GPR37: variants seen among roughly 807,000 people sequenced by gnomAD.
The protein encoded by GPR37 is G protein-coupled receptor 37.
In GPR37, 20 loss-of-function variants were observed where a neutral mutation model predicts 43.6. The ratio of observed to expected loss-of-function variants is 0.46; its 90% CI spans 0.32 to 0.67. The LOEUF (loss-of-function observed/expected upper bound fraction) is 0.67, where lower values mean the gene tolerates loss of function less well. Ranked by LOEUF, GPR37 falls within the 30% of genes least tolerant of loss-of-function variation. The probability of loss-of-function intolerance (pLI) is 0.03; values close to 1 mark genes in which losing one functional copy is unlikely to be tolerated. For missense variants in GPR37, 724 were observed against 797.2 expected (o/e 0.91, Z 1.11); for synonymous variants, 315 against 322.6 (o/e 0.98, Z 0.25).
At chr7:124,750,227 A>C (rs1010142806) in intron 1 of GPR37, among the ~76,000 whole-genome samples, 2 of 152,122 alleles carry the variant, frequency 1.3e-5, no homozygotes, top group Non-Finnish European at 2.9e-5. Flanking sequence ...GTTTTGATTC[A>C]TTTCTCCTAA....
intron 1 of GPR37, among the ~76,000 whole-genome samples, chr7:124,759,904 T>G (rs931086300): frequency 3.9e-5 from 6 of 152,138 alleles, no homozygotes; most frequent in Non-Finnish European, 7.3e-5. Flanking sequence ...TACCTCATAT[T>G]TTTCTACACA....
rs1280504156 is a variant in GPR37 at position 124,744,019 on chromosome 7, A to G, written c.*2506T>C. Reference sequence around the variant, plus strand: ...AAGACGACTATGAGAAAACTTTGAAATCACTTTATACTTGGGACAATTTGA... The same window carrying G: ...AAGACGACTATGAGAAAACTTTGAAGTCACTTTATACTTGGGACAATTTGA... On this transcript the variant is annotated 3_prime_UTR_variant, in exon 2 of 2. Coordinates refer to ENST00000303921, the MANE Select transcript of GPR37 (RefSeq NM_005302.5). The G allele has an allele frequency of 6.6e-6, 1 of 152,108 alleles. No homozygotes were observed. Among genetic ancestry groups the G allele is most frequent in the South Asian group, 2.1e-4 (1 of 4,830 alleles). 9.4% of individuals were successfully genotyped at this position (152,108 alleles called of 1,614,324 possible).
At chr7:124,759,316 A>C (rs1320520388) in intron 1 of GPR37, among the ~76,000 whole-genome samples, 4 of 152,096 alleles carry the variant, frequency 2.6e-5, no homozygotes, top group African/African-American at 9.7e-5. Context: ...ATCTGCCTGC[A>C]TAGGCCTCCC....
chr7:124,760,107 C>A (rs1348938268), intron 1 of GPR37, among the ~76,000 whole-genome samples: 1 of 151,944 alleles, frequency 6.6e-6, no homozygotes, highest in African/African-American at 2.4e-5. Flanking sequence ...AAAATAAAAA[C>A]ACTGAAAAAG....
chr7:124,763,817 G>GA, intron 1 of GPR37, 137 bp downstream of exon 1: 1 of 769,608 alleles, frequency 1.3e-6, no homozygotes, highest in Non-Finnish European at 2.1e-6. Context: ...TAAATGATTG[G>GA]AAAGAGAAAT....
chr7:124,763,518 G>A (rs1239413812), intron 1 of GPR37, among the ~76,000 whole-genome samples: 1 of 151,056 alleles, frequency 6.6e-6, no homozygotes, highest in Admixed American at 6.6e-5. Context: ...AATCTTCTTG[G>A]GGGAAAACTC....
intron 1 of GPR37, among the ~76,000 whole-genome samples, chr7:124,752,557 T>C (rs1162836652): frequency 6.6e-6 from 1 of 152,166 alleles, no homozygotes; most frequent in Non-Finnish European, 1.5e-5. Context: ...CATATCCATG[T>C]TTGCCTGGAG....
In GPR37 at chr7:124,765,034, G is replaced by C; in HGVS notation, c.-58C>G. 7.2e-7 allele frequency: 1 copy of C among 1,398,542 alleles called. No individual in the cohort carries two copies. The highest frequency in any genetic ancestry group is 9.3e-7 in the Non-Finnish European group (1 of 1,071,682). The allele number at this position is 1,398,542 out of a possible 1,614,324, so 86.6% of individuals were successfully genotyped here. Reference sequence around the variant, plus strand: ...TCCTGCTTAGTTAGGATCGACACCTGCTGCCGAAGTTGCTGCTGAGAGTTA... The same window carrying C: ...TCCTGCTTAGTTAGGATCGACACCTCCTGCCGAAGTTGCTGCTGAGAGTTA... On this transcript the variant is annotated 5_prime_UTR_variant, in exon 1 of 2. Coordinates refer to ENST00000303921, the MANE Select transcript of GPR37 (RefSeq NM_005302.5).
rs1351741976 is a variant in GPR37, at chr7:124,746,664, C to G, written c.1703G>C (p.Cys568Ser). 6 of 1,613,804 alleles carry G rather than the reference C, an allele frequency of 3.7e-6. No homozygotes were observed. Among genetic ancestry groups the G allele is most frequent in the Non-Finnish European group, 5.1e-6 (6 of 1,179,892 alleles). ...RAFMECCCCCCEECIQKSSTV... is the reference protein window; with the variant it reads ...RAFMECCCCCSEECIQKSSTV... ...TGAAGACTTCTGAATGCATTCCTCA[C>G]AGCAACAGCAGCAGCACTCCATGAA... is the stretch of plus-strand genomic sequence containing the variant. Residue 568 changes from cysteine (C) to serine (S), a missense_variant, in exon 2 of 2, where the codon TGT (cysteine) becomes TCT (serine). By Grantham distance (112) the Cys-to-Ser change is moderately radical. Around this residue, in one of 2 missense-constraint regions of GPR37, gnomAD observed 342 missense variants for 441.8 expected, o/e 0.77. Transcript: ENST00000303921.
At position 124,765,653 on chromosome 7, in the gene GPR37, C is replaced by T. The variant is rs1793912968; in HGVS notation, c.-677G>A. The T allele has an allele frequency of 1.3e-5, 2 of 152,234 alleles. No homozygotes were observed. Among genetic ancestry groups the T allele is most frequent in the South Asian group, 4.1e-4 (2 of 4,834 alleles). The allele number at this position is 152,234 out of a possible 1,614,324, so 9.4% of individuals were successfully genotyped here. Reference sequence around the variant, plus strand: ...GCGGCCACTGCCAAAGTTGCTTCTCCTCCAGCTCAAAGTTGACGACGGGGC... The same window carrying T: ...GCGGCCACTGCCAAAGTTGCTTCTCTTCCAGCTCAAAGTTGACGACGGGGC... On this transcript the variant is annotated 5_prime_UTR_variant, in exon 1 of 2. Transcript: ENST00000303921.
intron 1 of GPR37, among the ~76,000 whole-genome samples, chr7:124,759,585 C>T (rs956573998): frequency 1.3e-5 from 2 of 152,096 alleles, no homozygotes; most frequent in East Asian, 1.9e-4. Flanking sequence ...TCTAGGAGGA[C>T]GGCCATGATC....
chr7:124,755,325 A>T (rs1409653244), intron 1 of GPR37, among the ~76,000 whole-genome samples: 2 of 152,178 alleles, frequency 1.3e-5, no homozygotes, highest in African/African-American at 2.4e-5. Context: ...TGGGGGAAAA[A>T]TATTTTGAAA....
chr7:124,760,622 AAG>A (rs1303686731), intron 1 of GPR37, among the ~76,000 whole-genome samples: 1 of 152,120 alleles, frequency 6.6e-6, no homozygotes, highest in Admixed American at 6.5e-5. Flanking sequence ...GGATTAAAAA[AAG>A]AAAAAATTTT....
chr7:124,758,533 T>C (rs1429150038), intron 1 of GPR37, among the ~76,000 whole-genome samples: 3 of 152,208 alleles, frequency 2.0e-5, no homozygotes. Context: ...ACAGGCGTTC[T>C]AGGGAAATCT....
In GPR37 at chr7:124,745,777, C is replaced by T. The variant is rs1793663622; in HGVS notation, c.*748G>A. ...AAAAAGAAACTTTCTTCCTACTCTG[C>T]TATTTATTCATATTTTATAAGTATT... On this transcript the variant is annotated 3_prime_UTR_variant, in exon 2 of 2. Coordinates refer to ENST00000303921, the MANE Select transcript of GPR37 (RefSeq NM_005302.5). 6.6e-6 allele frequency among the ~76,000 whole-genome samples: 1 copy of T among 152,086 alleles called. No individual in the cohort carries two copies. The highest frequency in any genetic ancestry group is 1.5e-5 in the Non-Finnish European group (1 of 67,994).
intron 1 of GPR37, among the ~76,000 whole-genome samples, chr7:124,759,328 A>T (rs953568973): frequency 1.3e-5 from 2 of 152,110 alleles, no homozygotes; most frequent in Non-Finnish European, 2.9e-5. Flanking sequence ...AGGCCTCCCA[A>T]AGTGCTGAGA....
chr7:124,763,387 A>G (rs182867184), intron 1 of GPR37, among the ~76,000 whole-genome samples: 1 of 152,338 alleles, frequency 6.6e-6, no homozygotes, highest in African/African-American at 2.4e-5. Flanking sequence ...ACAGTCAGAC[A>G]CTTAAACTAA....
chr7:124,764,909 G>C lies in GPR37; in HGVS notation c.68C>G (p.Ser23Cys), dbSNP rs1361020404. 4 of 1,594,104 alleles carry C rather than the reference G, an allele frequency of 2.5e-6. No homozygotes were observed. The African/African-American group carries it at 5.4e-5, about 21-fold the overall frequency. The change falls in exon 1 of 2, where the codon TCT becomes TGT. Residue 23 changes from serine (S) to cysteine (C), a missense_variant. Physicochemically the swap from Ser to Cys is moderately radical, Grantham distance 112. Around this residue, in one of 2 missense-constraint regions of GPR37, gnomAD observed 382 missense variants for 355.4 expected, o/e 1.07. Transcript: ENST00000303921. This position sits in a 1 kb window ranked among gnomAD's most constrained non-coding sequence, Gnocchi z 5.4. ...RLLLLLLLKVSASSALGVAPA... is the reference protein window; with the variant it reads ...RLLLLLLLKVCASSALGVAPA... ...GGCGACCCCGAGGGCAGAAGAGGCA[G>C]ACACCTTGAGCAGTAGCAGAAGCAG...
At position 124,747,113 on chromosome 7, in the gene GPR37, C is replaced by T; in HGVS notation, c.1254G>A (p.Arg418=). The T allele has an allele frequency of 1.2e-6, 2 of 1,613,944 alleles. No homozygotes were observed. Among genetic ancestry groups the T allele is most frequent in the East Asian group, 2.2e-5 (1 of 44,860 alleles). Residue 418 remains arginine, a synonymous_variant, in exon 2 of 2, where the codon AGG becomes AGA. Coordinates refer to ENST00000303921, the MANE Select transcript of GPR37 (RefSeq NM_005302.5). ...LGFSGRAPAE[R]CIIKISPDLP... is the part of the protein sequence containing the mutation. ...AATCAGGAGAGATCTTAATAATGCACCTTTCTGCCGGAGCTCGGCCACTAA... is the reference window on the plus strand; with the variant it reads ...AATCAGGAGAGATCTTAATAATGCATCTTTCTGCCGGAGCTCGGCCACTAA...
Sources: gnomAD v4.1 joint callset for allele counts (sites outside exome capture counted in the v4.1 genomes callset) on GRCh38, gnomAD v4.1.1 for gene constraint, gnomAD v4.1.1 regional missense constraint, Gnocchi (gnomAD v3.1) non-coding constraint, MANE v1.5 for transcripts, NCBI Gene and HGNC (gene_info 2026-07-23, HGNC 2026-07-21) for gene names.